Variants in DPF3 observed in about 807,000 individuals in gnomAD.
DPF3 encodes the protein double PHD fingers 3, also known as zinc finger protein DPF3.
In DPF3, 18 loss-of-function variants were observed where a neutral mutation model predicts 56.8. That is an observed-to-expected ratio of 0.32 (90% CI 0.22 to 0.47). The LOEUF (loss-of-function observed/expected upper bound fraction) is 0.47, where lower values mean the gene tolerates loss of function less well. Among genes scored for constraint, DPF3 ranks in the 20% least tolerant of loss-of-function variants. DPF3 has a pLI of 1.00. For missense variants in DPF3, 403 were observed against 488.8 expected, an observed-to-expected ratio of 0.82 and a Z score of 1.65; for synonymous variants, 188 against 180.2, an observed-to-expected ratio of 1.04 and a Z score of -0.35.
intron 8 of DPF3, among the ~76,000 whole-genome samples, chr14:72,657,366 C>T (rs1886087784): frequency 6.6e-6 from 1 of 152,136 alleles, no homozygotes; most frequent in Non-Finnish European, 1.5e-5. Context: ...AATGGAGAGT[C>T]GCTGTTATGC....
intron 8 of DPF3, among the ~76,000 whole-genome samples, chr14:72,658,236 G>A (rs886410633): frequency 6.6e-6 from 1 of 152,128 alleles, no homozygotes. Flanking sequence ...CACATTGCAT[G>A]CCTGTATCGA....
At chr14:72,882,570 A>G (rs1886362383) in intron 1 of DPF3, among the ~76,000 whole-genome samples, 1 of 152,176 alleles carries the variant, frequency 6.6e-6, no homozygotes, top group Admixed American at 6.5e-5. Flanking sequence ...GCATTTGGAT[A>G]TGCATTTTAA....
At chr14:72,793,236 T>C (rs551372933) in intron 1 of DPF3, among the ~76,000 whole-genome samples, 17 of 152,320 alleles carry the variant, frequency 1.1e-4, no homozygotes, top group Non-Finnish European at 1.9e-4. Flanking sequence ...ACCGCAGCCA[T>C]TGGCCATTTA....
intron 1 of DPF3, among the ~76,000 whole-genome samples, chr14:72,810,979 A>G (rs534618355): frequency 6.6e-6 from 1 of 152,352 alleles, no homozygotes; most frequent in South Asian, 2.1e-4. Context: ...CAGGCTGTAG[A>G]GCAACCACGG....
At chr14:72,755,867 G>C (rs764584032) in intron 2 of DPF3, among the ~76,000 whole-genome samples, 16 of 152,126 alleles carry the variant, frequency 1.1e-4, no homozygotes, top group African/African-American at 2.4e-4. Context: ...CAGGCACCAG[G>C]GTTCCTTTAT....
chr14:72,670,203 CCTT>C (rs771903220), intron 8 of DPF3: 228 of 985,894 alleles, frequency 2.3e-4, no homozygotes, highest in Non-Finnish European at 2.7e-4. Context: ...GATGATGTCT[CCTT>C]CTATCTTCCA....
chr14:72,858,918 ATT>A (rs946066702), intron 1 of DPF3, among the ~76,000 whole-genome samples: 1 of 152,190 alleles, frequency 6.6e-6, no homozygotes, highest in Non-Finnish European at 1.5e-5. Context: ...AAACAAAGGC[ATT>A]TTTAAAATAC....
intron 3 of DPF3, among the ~76,000 whole-genome samples, chr14:72,746,325 C>A (rs1890321742): frequency 2.0e-5 from 3 of 152,250 alleles, no homozygotes; most frequent in Non-Finnish European, 4.4e-5. Flanking sequence ...TTACCACTGA[C>A]TCCAGGGCAC....
chr14:72,700,649 G>T (rs1484735816), intron 6 of DPF3, among the ~76,000 whole-genome samples: 1 of 152,200 alleles, frequency 6.6e-6, no homozygotes, highest in Non-Finnish European at 1.5e-5. Flanking sequence ...TCTGCCCTCA[G>T]AGAGGCAGAA....
intron 5 of DPF3, among the ~76,000 whole-genome samples, chr14:72,714,808 C>T (rs745837176): frequency 6.6e-6 from 1 of 151,378 alleles, no homozygotes; most frequent in East Asian, 1.9e-4. Context: ...CAAGGTCGTT[C>T]GGCTACTCAG....
intron 1 of DPF3, among the ~76,000 whole-genome samples, chr14:72,840,282 A>C (rs895717619): frequency 1.3e-5 from 2 of 152,200 alleles, no homozygotes; most frequent in Non-Finnish European, 2.9e-5. Context: ...CCTTGTTCTT[A>C]CTAGAACCAC....
At chr14:72,693,285 C>T in intron 6 of DPF3, 72 bp from the exon 7 acceptor site, 7 of 1,517,386 alleles carry the variant, frequency 4.6e-6, no homozygotes, top group South Asian at 1.2e-5. Flanking sequence ...CTATCATTCT[C>T]CCAGACAGTG....
chr14:72,690,147 C>T (rs1171467735), intron 7 of DPF3, among the ~76,000 whole-genome samples: 1 of 152,124 alleles, frequency 6.6e-6, no homozygotes, highest in Non-Finnish European at 1.5e-5. Context: ...GAACAAGCCA[C>T]CCATGAAATT....
In DPF3 at chr14:72,693,081, T is replaced by C. The variant is rs749188660; in HGVS notation, c.737A>G (p.His246Arg). ...RSPPNHRNEN[H>R]RPQKGPDGTV... ...CCTAACAAGTAGGCACTCACGCCTG[T>C]GGTTCTCATTTCTGTGGTTGGGTGG... The change falls in exon 7 of 11, where the codon CAC becomes CGC. Residue 246 changes from histidine to arginine, a missense_variant. By Grantham distance (29) the His-to-Arg change is conservative. Coordinates refer to ENST00000556509, the MANE Select transcript of DPF3 (RefSeq NM_001280542.3). 1.2e-6 allele frequency: 2 copies of C among 1,614,004 alleles called. No homozygotes were observed. The highest frequency in any genetic ancestry group is 1.7e-6 in the Non-Finnish European group (2 of 1,179,888).
chr14:72,728,430 G>A (rs562336039), intron 4 of DPF3, among the ~76,000 whole-genome samples: 25 of 152,154 alleles, frequency 1.6e-4, no homozygotes, highest in Non-Finnish European at 3.1e-4. Flanking sequence ...AGGGAAGAAG[G>A]CTGAAGAACA....
At position 72,615,912 on chromosome 14, in the gene DPF3, C is replaced by G. The variant is rs1884061640; in HGVS notation, c.*3385G>C. On this transcript the variant is annotated 3_prime_UTR_variant, in exon 11 of 11. Coordinates refer to ENST00000556509, the MANE Select transcript of DPF3 (RefSeq NM_001280542.3). ...GATTTCCACTTCCGGTTGGGTCTGG[C>G]AGCCTCACCTCTCTGGTTTGCTGGA... Among the ~76,000 whole-genome samples the G allele has an allele frequency of 6.6e-6, 1 of 152,248 alleles. No homozygotes were observed. The highest frequency in any genetic ancestry group is 2.1e-4 in the South Asian group (1 of 4,830).
Position 72,874,594 on chromosome 14 carries a change from C to T in DPF3, c.32+19463G>A, listed in dbSNP as rs561689604. ...AGTCTCTAGGGGAGGGGGCAAAATG[C>T]CGCCAGTCTCTTCGCTAAAACATAA... On this transcript the variant is annotated intron_variant, in intron 1 of 10. Coordinates refer to ENST00000556509, the MANE Select transcript of DPF3 (RefSeq NM_001280542.3). 6.6e-5 allele frequency among the ~76,000 whole-genome samples: 10 copies of T among 152,298 alleles called. No homozygotes were observed. The South Asian group carries it at 1.9e-3, about 28-fold the overall frequency.
chr14:72,806,365 T>C (rs1882783763), intron 1 of DPF3, among the ~76,000 whole-genome samples: 1 of 152,150 alleles, frequency 6.6e-6, no homozygotes, highest in South Asian at 2.1e-4. Flanking sequence ...ACTCATTCAT[T>C]TAGTTCCTCC....
intron 1 of DPF3, among the ~76,000 whole-genome samples, chr14:72,869,500 AG>A (rs780723141): frequency 6.6e-6 from 1 of 152,180 alleles, no homozygotes; most frequent in Non-Finnish European, 1.5e-5. Flanking sequence ...TGCAAATGAC[AG>A]GCCAGTGTGA....
Sources: allele counts gnomAD v4.1 joint callset (sites outside exome capture counted in the v4.1 genomes callset), GRCh38; gene constraint gnomAD v4.1.1; transcripts MANE v1.5; gene names NCBI Gene and HGNC (gene_info 2026-07-23, HGNC 2026-07-21).